Variants in TAOK1 observed in about 807,000 individuals in gnomAD.
TAOK1 encodes serine/threonine-protein kinase TAO1.
TAOK1 carries 21 observed loss-of-function variants against 138.3 expected under a neutral mutation model. The ratio of observed to expected loss-of-function variants is 0.15; its 90% CI spans 0.11 to 0.22. The LOEUF (loss-of-function observed/expected upper bound fraction) is 0.22. Ranked by LOEUF, TAOK1 falls within the 10% of genes least tolerant of loss-of-function variation. The pLI is 1.00. For synonymous variants in TAOK1, 361 were observed against 398.4 expected, an observed-to-expected ratio of 0.91 and a Z score of 1.12; for missense variants, 651 against 1,227.7, an observed-to-expected ratio of 0.53 and a Z score of 7.02.
intron 19 of TAOK1, among the ~76,000 whole-genome samples, chr17:29,537,668 G>A (rs1598530146): frequency 6.6e-6 from 1 of 150,774 alleles, no homozygotes; most frequent in Admixed American, 6.6e-5. Flanking sequence ...TGTATATTTA[G>A]CCTTGTAAAT....
At chr17:29,435,912 C>T (rs1322161782) in intron 1 of TAOK1, among the ~76,000 whole-genome samples, 2 of 152,136 alleles carry the variant, frequency 1.3e-5, no homozygotes, top group Admixed American at 6.6e-5. Context: ...AGGCGGATCA[C>T]GAGGTCAGGA....
chr17:29,521,887 C>T (rs896739991), intron 16 of TAOK1, among the ~76,000 whole-genome samples: 4 of 152,096 alleles, frequency 2.6e-5, no homozygotes, highest in South Asian at 2.1e-4. Context: ...CAGCTGTGTC[C>T]GTGTTCTTAA....
At chr17:29,508,227 G>A (rs866553637) in intron 14 of TAOK1, 95 bp downstream of exon 14, 18 of 1,045,646 alleles carry the variant, frequency 1.7e-5, no homozygotes, top group African/African-American at 6.4e-5. Flanking sequence ...ATCTGTTCCC[G>A]TGAACCAAGC....
intron 1 of TAOK1, among the ~76,000 whole-genome samples, chr17:29,420,813 G>A (rs1286947837): frequency 6.6e-6 from 1 of 151,982 alleles, no homozygotes; most frequent in African/African-American, 2.4e-5. Flanking sequence ...CTGAACTCCT[G>A]ACCTCATGAT....
At chr17:29,468,704 C>T (rs2030741556) in intron 3 of TAOK1, among the ~76,000 whole-genome samples, 1 of 151,964 alleles carries the variant, frequency 6.6e-6, no homozygotes, top group South Asian at 2.1e-4. Context: ...CCTGCCACCA[C>T]ACCTGGCAAA....
chr17:29,523,296 GA>G (rs2031952459), intron 17 of TAOK1, among the ~76,000 whole-genome samples: 1 of 151,448 alleles, frequency 6.6e-6, no homozygotes, highest in African/African-American at 2.4e-5. Flanking sequence ...AAAAAAACAA[GA>G]AAAAGTTTTC....
At chr17:29,479,396 G>A (rs2031011904) in intron 6 of TAOK1, among the ~76,000 whole-genome samples, 1 of 151,782 alleles carries the variant, frequency 6.6e-6, no homozygotes, top group East Asian at 1.9e-4. Context: ...TTAACATGAG[G>A]ATAAGATCTG....
chr17:29,396,416 A>G (rs1327349886), intron 1 of TAOK1, among the ~76,000 whole-genome samples: 2 of 152,214 alleles, frequency 1.3e-5, no homozygotes, highest in Non-Finnish European at 2.9e-5. Flanking sequence ...CATAATAGAT[A>G]TACTGCAGCC....
At chr17:29,415,677 G>A (rs76479286) in intron 1 of TAOK1, among the ~76,000 whole-genome samples, 3,053 of 152,234 alleles carry the variant, frequency 0.02, 48 homozygotes, top group Middle Eastern at 0.027. Flanking sequence ...TTCTCAAAGA[G>A]GTCTGCTTCA....
At chr17:29,423,787 C>T (rs959050113) in intron 1 of TAOK1, among the ~76,000 whole-genome samples, 26 of 151,886 alleles carry the variant, frequency 1.7e-4, no homozygotes, top group Non-Finnish European at 3.8e-4. Flanking sequence ...GTGGCTCACA[C>T]CTGTAATCCC....
At chr17:29,530,296 GC>G in intron 17 of TAOK1, 110 bp from the exon 18 acceptor site, 1 of 934,140 alleles carries the variant, frequency 1.1e-6, no homozygotes, top group South Asian at 1.7e-5. Context: ...GACCTGCTTG[GC>G]TTTCCTCTCA....
chr17:29,438,183 T>A (rs995552004), intron 1 of TAOK1, among the ~76,000 whole-genome samples: 2 of 152,256 alleles, frequency 1.3e-5, no homozygotes, highest in African/African-American at 2.4e-5. Context: ...TTGTATTTTT[T>A]AAATTTATTT....
At chr17:29,397,664 G>GC (rs1290681493) in intron 1 of TAOK1, among the ~76,000 whole-genome samples, 4 of 35,602 alleles carry the variant, frequency 1.1e-4, no homozygotes, top group Non-Finnish European at 1.7e-4. Context: ...ATTCATGTAT[G>GC]ATACATGTAT....
intron 1 of TAOK1, among the ~76,000 whole-genome samples, chr17:29,392,159 T>A (rs1904453455): frequency 6.6e-6 from 1 of 151,934 alleles, no homozygotes; most frequent in South Asian, 2.1e-4. Context: ...GAGGTTGCAG[T>A]GAGGCGAGAT....
At chr17:29,531,552 C>T (rs561159834) in intron 18 of TAOK1, among the ~76,000 whole-genome samples, 14 of 151,910 alleles carry the variant, frequency 9.2e-5, no homozygotes, top group African/African-American at 3.4e-4. Context: ...CACCTGAGGT[C>T]AAGAATTCGA....
chr17:29,427,352 T>C lies in TAOK1; in HGVS notation c.-94-24103T>C, dbSNP rs928023354. 1.1e-4 allele frequency among the ~76,000 whole-genome samples: 17 copies of C among 152,042 alleles called. 1 individual carries two copies. Among genetic ancestry groups the C allele is most frequent in the African/African-American group, 3.9e-4 (16 of 41,462 alleles). ...GCTCACGCCTGTAATCCTAGCACTT[T>C]GGGAGGCTAAGGCGGGTGGATCACT... On this transcript the variant is annotated intron_variant, in intron 1 of 19. Transcript: ENST00000261716.
chr17:29,532,948 C>CA (rs2032148128), intron 18 of TAOK1, among the ~76,000 whole-genome samples: 1 of 138,822 alleles, frequency 7.2e-6, no homozygotes, highest in South Asian at 2.4e-4. Context: ...CTGACCCCCC[C>CA]ACCTCCCTCC....
At chr17:29,436,370 G>C (rs956227283) in intron 1 of TAOK1, among the ~76,000 whole-genome samples, 1 of 152,128 alleles carries the variant, frequency 6.6e-6, no homozygotes, top group Non-Finnish European at 1.5e-5. Flanking sequence ...AGTCAGAAAG[G>C]TTGCTTCAGC....
intron 18 of TAOK1, among the ~76,000 whole-genome samples, chr17:29,533,524 AC>A (rs2032166167): frequency 6.6e-6 from 1 of 151,852 alleles, no homozygotes; most frequent in Non-Finnish European, 1.5e-5. Flanking sequence ...AGCCGAGATC[AC>A]CCCACTGCAC....
Sources: gnomAD v4.1 joint callset for allele counts (sites outside exome capture counted in the v4.1 genomes callset) on GRCh38, gnomAD v4.1.1 for gene constraint, MANE v1.5 for transcripts, NCBI Gene and HGNC (gene_info 2026-07-23, HGNC 2026-07-21) for gene names.